The following NBPF20 variants were observed in gnomAD, a reference collection of about 807,000 sequenced individuals.
The protein encoded by NBPF20 is NBPF family member NBPF20.
In NBPF20, 90 loss-of-function variants were observed where a neutral mutation model predicts 68.1. The ratio of observed to expected loss-of-function variants is 1.32; its 90% CI spans 1.11 to 1.58. The LOEUF is 1.58. Ranked by LOEUF, NBPF20 falls within the 40% of genes most tolerant of loss-of-function variation. NBPF20 has a pLI of 0.00. For missense variants in NBPF20, 816 were observed against 601.2 expected (o/e 1.36, Z -3.74); for synonymous variants, 290 against 228.1 (o/e 1.27, Z -2.45).
At chr1:145,397,610 G>T in intron 7 of NBPF20, among the ~76,000 whole-genome samples, 1 of 152,268 alleles carries the variant, frequency 6.6e-6, no homozygotes, top group East Asian at 1.9e-4. Context: ...GGAACAACCG[G>T]TACCAGCCAC....
intron 73 of NBPF20, among the ~76,000 whole-genome samples, chr1:145,342,782 C>A (rs1175465186): frequency 1.7e-5 from 2 of 116,346 alleles, no homozygotes; most frequent in African/African-American, 3.6e-5. Context: ...CACACACACA[C>A]ACACACACAC....
intron 137 of NBPF20, among the ~76,000 whole-genome samples, chr1:145,292,132 C>A (rs1661154710): frequency 2.0e-5 from 3 of 149,552 alleles, no homozygotes; most frequent in South Asian, 4.2e-4. Flanking sequence ...AAAATATGCT[C>A]AAAATTCGAT....
At chr1:145,405,872 A>G (rs1217097589), upstream of NBPF20, 1 of 192,708 alleles carries the variant, frequency 5.2e-6, no homozygotes. Context: ...TCATGAAGTC[A>G]TAAATAAAAA....
the NBPF20 span, among the ~76,000 whole-genome samples, chr1:145,421,501 G>A: frequency 3.9e-5 from 6 of 152,128 alleles, no homozygotes; most frequent in African/African-American, 1.4e-4. Flanking sequence ...TATGGTATTA[G>A]TATGTTCATT....
exon 76 of NBPF20, chr1:145,340,826 T>A (rs1661599995): frequency 1.3e-4 from 20 of 158,328 alleles, no homozygotes; most frequent in Middle Eastern, 2.9e-3. Context: ...GGCACTTCTG[T>A]AGGGCTGGCA....
intron 7 of NBPF20, among the ~76,000 whole-genome samples, chr1:145,397,708 C>T (rs1400220360): frequency 4.0e-5 from 6 of 151,868 alleles, no homozygotes; most frequent in East Asian, 1.9e-4. Context: ...AATATCATAA[C>T]GACAGGATCA....
the NBPF20 span, among the ~76,000 whole-genome samples, chr1:145,423,546 T>C: frequency 6.6e-6 from 1 of 151,388 alleles, no homozygotes; most frequent in Non-Finnish European, 1.5e-5. Context: ...TACATATATA[T>C]CGTAGAAAGG....
chr1:145,421,594 GA>G, the NBPF20 span, among the ~76,000 whole-genome samples: 1 of 152,034 alleles, frequency 6.6e-6, no homozygotes, highest in South Asian at 2.1e-4. Context: ...TGGTGAATAA[GA>G]GACAAAATCT....
the NBPF20 span, among the ~76,000 whole-genome samples, chr1:145,411,387 CTTTTTTTTTTT>C: frequency 9.4e-6 from 1 of 106,168 alleles, no homozygotes; most frequent in South Asian, 3.3e-4. Flanking sequence ...GTTGACTTTC[CTTTTTTTTTTT>C]TTTTTTTTTT....
intron 6 of NBPF20, among the ~76,000 whole-genome samples, chr1:145,400,068 T>C (rs1662442898): frequency 6.6e-6 from 1 of 152,182 alleles, no homozygotes; most frequent in African/African-American, 2.4e-5. Flanking sequence ...ATGGACATTG[T>C]TCAGGGACAG....
rs1292845060 is a variant in NBPF20 at position 145,403,158 on chromosome 1, C to T, written c.278+58G>A. The T allele has an allele frequency of 6.9e-6, 11 of 1,604,290 alleles. No individual in the cohort carries two copies. The Admixed American group carries it at 1.3e-4, about 19-fold the overall frequency. On this transcript the variant is annotated intron_variant, in intron 3 of 137. Coordinates refer to ENST00000369373, the Ensembl canonical transcript of NBPF20. ...GCTCTTACGTCTCCCCACCGAGCTG[C>T]TGTATTTCAGAGATTTACACACCTG...
At chr1:145,422,041 A>G in the NBPF20 span, among the ~76,000 whole-genome samples, 1 of 146,790 alleles carries the variant, frequency 6.8e-6, no homozygotes, top group Non-Finnish European at 1.5e-5. Context: ...CTGTCTCAAG[A>G]AAAAAAAAAA....
the NBPF20 span, among the ~76,000 whole-genome samples, chr1:145,423,355 C>T: frequency 6.6e-6 from 1 of 150,912 alleles, no homozygotes; most frequent in African/African-American, 2.4e-5. Context: ...AGGAGGATCA[C>T]CTGAGCCTTG....
chr1:145,392,835 G>T (rs1472139804), intron 10 of NBPF20, among the ~76,000 whole-genome samples: 1 of 98,270 alleles, frequency 1.0e-5, no homozygotes, highest in Non-Finnish European at 1.8e-5. Context: ...CGAACGTCAT[G>T]AGAGTAGGAT....
At chr1:145,408,997 C>T (rs1209523917), upstream of NBPF20, among the ~76,000 whole-genome samples, 2 of 149,976 alleles carry the variant, frequency 1.3e-5, no homozygotes, top group South Asian at 4.3e-4. Context: ...GATACACTAA[C>T]GGAACTACTG....
rs587632622 is a variant in NBPF20 at position 145,291,577 on chromosome 1, C to A, written c.16890G>T (p.Thr5630=). Residue 5630 remains threonine (T), a synonymous_variant, in exon 138 of 138, where the codon ACG becomes ACT. Coordinates refer to ENST00000369373, the Ensembl canonical transcript of NBPF20. The stretch of plus-strand genomic sequence containing the variant: ...GGAACACCAGGTGGAGACTTGTCAC[C>A]GTCAAAGTAAAAAACCTATTGTCCA... The A allele has an allele frequency of 1.1e-5, 17 of 1,611,828 alleles. 2 individuals are homozygous for A. The highest frequency in any genetic ancestry group is 6.6e-5 in the South Asian group (6 of 90,980).
intron 9 of NBPF20, 95 bp from the exon 15 acceptor site, chr1:145,393,341 A>C: frequency 4.3e-6 from 3 of 697,564 alleles, no homozygotes; most frequent in Non-Finnish European, 7.9e-6. Flanking sequence ...GAAGAGTTTG[A>C]AAAGAAAAAG....
At chr1:145,393,683 C>A (rs1241025451) in intron 9 of NBPF20, 2 of 1,408,588 alleles carry the variant, frequency 1.4e-6, no homozygotes, top group East Asian at 4.8e-5. Context: ...TCAACTTTCA[C>A]TAGGTTAGTA....
chr1:145,408,526 T>G (rs1309945749), upstream of NBPF20, among the ~76,000 whole-genome samples: 6 of 152,008 alleles, frequency 3.9e-5, no homozygotes, highest in African/African-American at 1.4e-4. Context: ...TACTGTAGCT[T>G]TAAAATCAGG....
Sources: allele counts gnomAD v4.1 joint callset (sites outside exome capture counted in the v4.1 genomes callset), GRCh38; gene constraint gnomAD v4.1.1; transcripts MANE v1.5; gene names NCBI Gene and HGNC (gene_info 2026-07-23, HGNC 2026-07-21).